USP34: variants seen among roughly 807,000 people sequenced by gnomAD.
USP34 encodes the protein ubiquitin carboxyl-terminal hydrolase 34.
A neutral mutation model predicts 460.3 loss-of-function variants in USP34; 70 were observed. The ratio of observed to expected loss-of-function variants is 0.15; its 90% CI spans 0.13 to 0.19. The LOEUF (loss-of-function observed/expected upper bound fraction) is 0.19. Among genes scored for constraint, USP34 ranks in the 10% least tolerant of loss-of-function variants. The pLI is 1.00. For synonymous variants in USP34, 1,647 were observed against 1,405.3 expected, an observed-to-expected ratio of 1.17 and a Z score of -3.85; for missense variants, 3,985 against 4,236.2, an observed-to-expected ratio of 0.94 and a Z score of 1.65.
intron 25 of USP34, 65 bp from the exon 26 acceptor site, chr2:61,311,975 A>AT: frequency 6.4e-7 from 1 of 1,565,000 alleles, no homozygotes; most frequent in Non-Finnish European, 8.6e-7. Flanking sequence ...TGTTACGCAA[A>AT]TTTTTATCAT....
chr2:61,456,912 T>C (rs529708488), intron 1 of USP34, among the ~76,000 whole-genome samples: 4 of 151,840 alleles, frequency 2.6e-5, no homozygotes, highest in African/African-American at 7.3e-5. Flanking sequence ...ACCTGGGACG[T>C]TGAGGCTGCA....
intron 3 of USP34, among the ~76,000 whole-genome samples, chr2:61,401,715 A>ATTT (rs79669039): frequency 7.5e-6 from 1 of 133,818 alleles, no homozygotes; most frequent in Non-Finnish European, 1.6e-5. Context: ...CGCCCTGCTA[A>ATTT]TTTTTTTTTT....
chr2:61,333,596 A>G (rs1162465011), intron 19 of USP34, among the ~76,000 whole-genome samples: 2 of 152,242 alleles, frequency 1.3e-5, no homozygotes, highest in South Asian at 2.1e-4. Flanking sequence ...CTCTTCTTCA[A>G]AAGTACTCTG....
At chr2:61,355,965 T>C (rs1318587041) in intron 10 of USP34, among the ~76,000 whole-genome samples, 1 of 151,932 alleles carries the variant, frequency 6.6e-6, no homozygotes, top group South Asian at 2.1e-4. Flanking sequence ...TATACTAACA[T>C]CAAATAAGAT....
intron 6 of USP34, among the ~76,000 whole-genome samples, chr2:61,382,239 G>C (rs943170776): frequency 4.6e-5 from 7 of 151,900 alleles, no homozygotes; most frequent in African/African-American, 1.5e-4. Context: ...CCCTTCAATA[G>C]ACTCCCATTG....
chr2:61,348,298 G>A lies in USP34; in HGVS notation c.1857C>T (p.Ala619=). 6.2e-7 allele frequency: 1 copy of A among 1,614,062 alleles called. No homozygotes were observed. The highest frequency in any genetic ancestry group is 1.1e-5 in the South Asian group (1 of 91,072). ...CATCGTCTTCATCTTCCTCTTTGAG[G>A]GCTTCAATATCTGCAATGTCTTCTG... ...VQSEDIADIE[A]LKEEDEDDDH... The change falls in exon 15 of 80, where the codon GCC becomes GCT. Residue 619 remains alanine, a synonymous_variant. Transcript: ENST00000398571.
chr2:61,218,588 C>T (rs1039440896), intron 67 of USP34, among the ~76,000 whole-genome samples: 1 of 151,444 alleles, frequency 6.6e-6, no homozygotes, highest in African/African-American at 2.4e-5. Context: ...TTTTTTCCTT[C>T]CAGGATCCCA....
chr2:61,426,509 G>A (rs950580395), intron 1 of USP34, among the ~76,000 whole-genome samples: 3 of 152,084 alleles, frequency 2.0e-5, no homozygotes, highest in South Asian at 4.1e-4. Flanking sequence ...AGGTGGAAAT[G>A]GGAAAAAGAG....
intron 1 of USP34, among the ~76,000 whole-genome samples, chr2:61,423,919 T>G (rs138504564): frequency 3.1e-4 from 47 of 152,318 alleles, no homozygotes; most frequent in African/African-American, 1.1e-3. Context: ...ATCATGCCAC[T>G]GACTCCAGCA....
At chr2:61,190,143 T>C (rs1686588746) in intron 78 of USP34, 128 bp downstream of exon 78, 2 of 1,359,700 alleles carry the variant, frequency 1.5e-6, no homozygotes, top group Admixed American at 5.0e-5. Context: ...AACTTGTTTT[T>C]TTGTCGCACA....
chr2:61,190,572 T>A lies in USP34; in HGVS notation c.9675A>T (p.Arg3225Ser). The change falls in exon 77 of 80, where the codon AGA becomes AGT. Residue 3225 changes from arginine to serine, a missense_variant. Transcript: ENST00000398571. ...AGACAATGTTGTTGTTTAAAAAAGT[T>A]CTTTCATCCATTAGGATACATTTAA... ...EYIKCILMDE[R>S]TFLNNNIVYT... is the part of the protein sequence containing the mutation. 6.2e-7 allele frequency: 1 copy of A among 1,614,122 alleles called. No individual in the cohort carries two copies. Among genetic ancestry groups the A allele is most frequent in the South Asian group, 1.1e-5 (1 of 91,078 alleles).
Position 61,229,637 on chromosome 2 carries a change from T to C in USP34, c.7114-4A>G, listed in dbSNP as rs2103828159. 1.2e-6 allele frequency: 2 copies of C among 1,610,140 alleles called. No homozygotes were observed. The highest frequency in any genetic ancestry group is 2.2e-5 in the East Asian group (1 of 44,776). On this transcript the variant is annotated splice_polypyrimidine_tract_variant and splice_region_variant and intron_variant, in intron 58 of 79. Coordinates refer to ENST00000398571, the MANE Select transcript of USP34 (RefSeq NM_014709.4). ...GGATACACAAACGCTGAAACATCTG[T>C]GAAGAAAGAAAAAGATCAAACAAGA...
chr2:61,314,933 T>C lies in USP34; in HGVS notation c.3324A>G (p.Ala1108=), dbSNP rs781581653. Residue 1108 remains alanine (A), a synonymous_variant, in exon 24 of 80, where the codon GCA becomes GCG. Coordinates refer to ENST00000398571, the MANE Select transcript of USP34 (RefSeq NM_014709.4). ...MDQFWGIALR[A]QSGDVSRAAI... is the part of the protein sequence containing the mutation. ...CTGCTCGACTGACATCACCAGATTG[T>C]GCTCTTAAAGCAATGCCCCAAAATT... The C allele has an allele frequency of 3.2e-5, 52 of 1,613,840 alleles. No individual in the cohort carries two copies. Among genetic ancestry groups the C allele is most frequent in the Non-Finnish European group, 4.2e-6 (5 of 1,179,936 alleles).
intron 10 of USP34, 94 bp downstream of exon 10, chr2:61,370,227 G>C (rs918008063): frequency 3.1e-6 from 4 of 1,304,718 alleles, no homozygotes; most frequent in Non-Finnish European, 4.3e-6. Flanking sequence ...GGTCTCCTTA[G>C]CTATAAAACA....
At chr2:61,269,517 G>A (rs1311996801) in intron 41 of USP34, among the ~76,000 whole-genome samples, 2 of 151,872 alleles carry the variant, frequency 1.3e-5, no homozygotes, top group African/African-American at 2.4e-5. Context: ...TCTAAAAGAG[G>A]ACCATAATTT....
Position 61,461,451 on chromosome 2 carries a change from T to C in USP34, c.43+9199A>G, listed in dbSNP as rs145539259. The stretch of plus-strand genomic sequence containing the variant: ...AATCTGAAATACAGAAAAAAAAACA[T>C]ACAATTCATTAAATAACAAAAATAT... On this transcript the variant is annotated intron_variant, in intron 1 of 79. Transcript: ENST00000398571. Among the ~76,000 whole-genome samples, 517 of 151,164 alleles carry C rather than the reference T, an allele frequency of 3.4e-3. 2 individuals are homozygous for C. The highest frequency in any genetic ancestry group is 0.011 in the African/African-American group (442 of 41,194).
chr2:61,469,309 T>C (rs1265017495), intron 1 of USP34, among the ~76,000 whole-genome samples: 5 of 152,228 alleles, frequency 3.3e-5, no homozygotes, highest in African/African-American at 1.2e-4. Flanking sequence ...GTAACAATCA[T>C]AATCACACGA....
At chr2:61,285,200 A>T (rs1212130237) in intron 34 of USP34, among the ~76,000 whole-genome samples, 2 of 152,150 alleles carry the variant, frequency 1.3e-5, no homozygotes, top group Non-Finnish European at 2.9e-5. Context: ...CAGCAACTGT[A>T]GGCTGGGTAT....
At chr2:61,312,893 TTTAAGA>T (rs1478056404) in intron 25 of USP34, among the ~76,000 whole-genome samples, 40 of 152,198 alleles carry the variant, frequency 2.6e-4, no homozygotes, top group Admixed American at 2.6e-3. Flanking sequence ...AGAACCACTG[TTTAAGA>T]TTATAACTTT....
Sources: gnomAD v4.1 joint callset for allele counts (sites outside exome capture counted in the v4.1 genomes callset) on GRCh38, gnomAD v4.1.1 for gene constraint, MANE v1.5 for transcripts, NCBI Gene and HGNC (gene_info 2026-07-23, HGNC 2026-07-21) for gene names.